Variants in CSMD1 observed in about 807,000 individuals in gnomAD.
The protein encoded by CSMD1 is CUB and sushi domain-containing protein 1.
CSMD1 carries 213 observed loss-of-function variants against 417.5 expected under a neutral mutation model. The ratio of observed to expected loss-of-function variants is 0.51; its 90% CI spans 0.46 to 0.57. The LOEUF is 0.57. Among genes scored for constraint, CSMD1 ranks in the 20% least tolerant of loss-of-function variants. The pLI, the probability that CSMD1 is intolerant of heterozygous loss-of-function variation, is 0.00. For missense variants in CSMD1, 6,923 were observed against 4,529.7 expected (o/e 1.53, Z -15.17); for synonymous variants, 2,862 against 1,736.8 (o/e 1.65, Z -16.11).
chr8:3,277,407 A>T (rs13256781), intron 26 of CSMD1, among the ~76,000 whole-genome samples: 1 of 151,880 alleles, frequency 6.6e-6, no homozygotes, highest in Non-Finnish European at 1.5e-5. Context: ...AAGGCAGGGC[A>T]GCTCAGACCC....
chr8:3,690,510 A>T (rs188297201), intron 7 of CSMD1, among the ~76,000 whole-genome samples: 39 of 152,242 alleles, frequency 2.6e-4, no homozygotes, highest in African/African-American at 8.4e-4. Context: ...TAACTAGGGG[A>T]CGCCTCCCAA....
At chr8:4,028,373 G>T (rs950968479) in intron 4 of CSMD1, among the ~76,000 whole-genome samples, 1 of 152,086 alleles carries the variant, frequency 6.6e-6, no homozygotes, top group African/African-American at 2.4e-5. Flanking sequence ...AGTAGTGCCT[G>T]GCTTACAGTA....
intron 1 of CSMD1, among the ~76,000 whole-genome samples, chr8:4,854,389 C>A (rs1288274557): frequency 6.6e-6 from 1 of 152,030 alleles, no homozygotes; most frequent in South Asian, 2.1e-4. Context: ...TGTTTAGAAG[C>A]GTGTGCCACT....
At chr8:4,069,526 T>C (rs1799434519) in intron 3 of CSMD1, among the ~76,000 whole-genome samples, 1 of 152,182 alleles carries the variant, frequency 6.6e-6, no homozygotes, top group Non-Finnish European at 1.5e-5. Flanking sequence ...GATCGATGAT[T>C]TGTTCTTACC....
At chr8:4,831,233 G>C (rs887158275) in intron 1 of CSMD1, among the ~76,000 whole-genome samples, 1 of 152,176 alleles carries the variant, frequency 6.6e-6, no homozygotes, top group East Asian at 1.9e-4. Flanking sequence ...GACAAAAAGA[G>C]GGAGAATTAC....
At chr8:4,518,842 T>C (rs1014682850) in intron 2 of CSMD1, among the ~76,000 whole-genome samples, 1 of 152,156 alleles carries the variant, frequency 6.6e-6, no homozygotes, top group Admixed American at 6.5e-5. Context: ...TAGGAGATTA[T>C]TCGGCATGGT....
intron 5 of CSMD1, among the ~76,000 whole-genome samples, chr8:3,946,414 A>G (rs1399199835): frequency 6.6e-6 from 1 of 152,134 alleles, no homozygotes; most frequent in African/African-American, 2.4e-5. Flanking sequence ...GCAATCCCGC[A>G]TCACCTTGGC....
intron 5 of CSMD1, among the ~76,000 whole-genome samples, chr8:3,925,736 C>G (rs868069012): frequency 6.6e-6 from 1 of 152,024 alleles, no homozygotes; most frequent in Non-Finnish European, 1.5e-5. Context: ...GATTCTGAGG[C>G]CTCCCCAGCC....
chr8:4,945,783 G>C (rs547379811), intron 1 of CSMD1, among the ~76,000 whole-genome samples: 1 of 152,268 alleles, frequency 6.6e-6, no homozygotes. Context: ...CTGGAGAATG[G>C]TGACGGATGA....
chr8:3,599,221 T>C (rs1049548447), intron 8 of CSMD1, among the ~76,000 whole-genome samples: 2 of 151,470 alleles, frequency 1.3e-5, no homozygotes, highest in Admixed American at 6.6e-5. Context: ...TCCTAAATGA[T>C]AAACAAAGTG....
chr8:3,828,078 G>C (rs1802156994), intron 5 of CSMD1, among the ~76,000 whole-genome samples: 1 of 152,156 alleles, frequency 6.6e-6, no homozygotes, highest in African/African-American at 2.4e-5. Context: ...ATGCCACACA[G>C]AGCTTAATTA....
At chr8:4,200,247 T>G (rs1472787530) in intron 3 of CSMD1, among the ~76,000 whole-genome samples, 2 of 152,190 alleles carry the variant, frequency 1.3e-5, no homozygotes, top group Non-Finnish European at 2.9e-5. Context: ...ATTCCTCTAT[T>G]CAATACACTG....
intron 39 of CSMD1, among the ~76,000 whole-genome samples, chr8:3,154,601 G>T (rs1819403336): frequency 6.6e-6 from 1 of 152,142 alleles, no homozygotes; most frequent in African/African-American, 2.4e-5. Flanking sequence ...CCATGCTGAA[G>T]AGCCCTGCGG....
chr8:3,051,565 C>A (rs79392552), intron 50 of CSMD1, among the ~76,000 whole-genome samples: 2 of 152,142 alleles, frequency 1.3e-5, no homozygotes, highest in African/African-American at 4.8e-5. Context: ...ACCTATATAA[C>A]AAACTTGCAC....
intron 3 of CSMD1, among the ~76,000 whole-genome samples, chr8:4,289,311 T>A (rs1003757540): frequency 6.6e-6 from 1 of 152,214 alleles, no homozygotes; most frequent in South Asian, 2.1e-4. Context: ...ATATATGAGA[T>A]TGCTATCACG....
chr8:3,148,290 C>T (rs1818973553), intron 40 of CSMD1, among the ~76,000 whole-genome samples: 1 of 152,182 alleles, frequency 6.6e-6, no homozygotes, highest in African/African-American at 2.4e-5. Context: ...GCTTAAACCC[C>T]AAACTTACTT....
chr8:3,873,946 G>T (rs1372842142), intron 5 of CSMD1, among the ~76,000 whole-genome samples: 4 of 152,174 alleles, frequency 2.6e-5, no homozygotes, highest in Admixed American at 1.3e-4. Context: ...TCTGAAAAGA[G>T]AACAGTGCAG....
intron 3 of CSMD1, among the ~76,000 whole-genome samples, chr8:4,069,738 T>C (rs896826273): frequency 6.6e-6 from 1 of 152,166 alleles, no homozygotes; most frequent in Non-Finnish European, 1.5e-5. Context: ...ACCTTGAGTT[T>C]AGGAATGCTG....
chr8:4,559,640 A>T (rs531330394), intron 2 of CSMD1, among the ~76,000 whole-genome samples: 20 of 152,356 alleles, frequency 1.3e-4, no homozygotes, highest in Non-Finnish European at 2.8e-4. Context: ...ATATAATAAA[A>T]TTATTAATAA....
Sources: allele counts gnomAD v4.1 joint callset (sites outside exome capture counted in the v4.1 genomes callset), GRCh38; gene constraint gnomAD v4.1.1; transcripts MANE v1.5; gene names NCBI Gene and HGNC (gene_info 2026-07-23, HGNC 2026-07-21).